FAM117B: variants seen among roughly 807,000 people sequenced by gnomAD.
FAM117B encodes protein FAM117B.
A neutral mutation model predicts 52.8 loss-of-function variants in FAM117B; 22 were observed. That is an observed-to-expected ratio of 0.42 (90% CI 0.30 to 0.59). The LOEUF (loss-of-function observed/expected upper bound fraction) is 0.59. Among genes scored for constraint, FAM117B ranks in the 20% least tolerant of loss-of-function variants. FAM117B has a pLI of 0.22. For missense variants in FAM117B, 678 were observed against 802.6 expected (o/e 0.84, Z 1.88); for synonymous variants, 309 against 324.1 (o/e 0.95, Z 0.50).
intron 3 of FAM117B, 101 bp downstream of exon 3, chr2:202,725,110 ATTTCT>A (rs1691220133): frequency 2.4e-6 from 2 of 838,570 alleles, no homozygotes; most frequent in East Asian, 5.5e-5. Flanking sequence ...TTTTCCATTG[ATTTCT>A]TTTTTCTTTT....
intron 1 of FAM117B, among the ~76,000 whole-genome samples, chr2:202,687,711 T>A (rs1387784473): frequency 6.6e-6 from 1 of 152,202 alleles, no homozygotes; most frequent in African/African-American, 2.4e-5. Flanking sequence ...GTACCCAGCC[T>A]GGTACATTGT....
At chr2:202,728,608 G>A (rs1397026424) in intron 4 of FAM117B, among the ~76,000 whole-genome samples, 1 of 151,940 alleles carries the variant, frequency 6.6e-6, no homozygotes, top group Non-Finnish European at 1.5e-5. Flanking sequence ...AAAAAATAAG[G>A]CCACTTTTTA....
At chr2:202,663,903 C>A (rs940594697) in intron 1 of FAM117B, among the ~76,000 whole-genome samples, 2 of 152,018 alleles carry the variant, frequency 1.3e-5, no homozygotes, top group Admixed American at 6.6e-5. Context: ...TTTTTATATA[C>A]CAGATTTTGT....
At chr2:202,665,331 C>A (rs1024601250) in intron 1 of FAM117B, among the ~76,000 whole-genome samples, 15 of 151,936 alleles carry the variant, frequency 9.9e-5, no homozygotes, top group Middle Eastern at 3.4e-3. Context: ...AGTTGGCCAA[C>A]CCTCTCAATT....
Position 202,765,942 on chromosome 2 carries a change from G to C in FAM117B, c.*178G>C, listed in dbSNP as rs1258600262. The stretch of plus-strand genomic sequence containing the variant: ...TGACGGCTCTGCCCCACTTGTGAAC[G>C]CCAACCCTCAGTGCTTAGCCTGCTT... On this transcript the variant is annotated 3_prime_UTR_variant, in exon 8 of 8. Coordinates refer to ENST00000392238, the MANE Select transcript of FAM117B (RefSeq NM_173511.4). The C allele has an allele frequency of 1.6e-6, 1 of 633,486 alleles. No homozygotes were observed. Among genetic ancestry groups the C allele is most frequent in the East Asian group, 2.8e-5 (1 of 36,096 alleles). 39.2% of individuals were successfully genotyped at this position (633,486 alleles called of 1,614,324 possible). A position where few individuals can be genotyped will look rare whatever the true frequency, so the allele number is the denominator to read the frequency against.
intron 1 of FAM117B, among the ~76,000 whole-genome samples, chr2:202,673,393 T>G (rs1690326545): frequency 6.7e-6 from 1 of 149,590 alleles, no homozygotes; most frequent in South Asian, 2.1e-4. Flanking sequence ...TGCTCTAGAG[T>G]GATGAATTAA....
intron 4 of FAM117B, among the ~76,000 whole-genome samples, chr2:202,739,276 G>T (rs1275179342): frequency 6.6e-6 from 1 of 152,112 alleles, no homozygotes; most frequent in Non-Finnish European, 1.5e-5. Flanking sequence ...ACATTGTTGA[G>T]GTTGTCCAAA....
chr2:202,645,435 G>C (rs1194017564), intron 1 of FAM117B, among the ~76,000 whole-genome samples: 2 of 150,496 alleles, frequency 1.3e-5, no homozygotes, highest in Non-Finnish European at 3.0e-5. Context: ...GACTACAGGC[G>C]CCCGCCACCT....
intron 1 of FAM117B, among the ~76,000 whole-genome samples, chr2:202,687,871 A>G (rs1224233686): frequency 6.6e-6 from 1 of 152,228 alleles, no homozygotes; most frequent in South Asian, 2.1e-4. Context: ...ATAAATTATT[A>G]ATTAGGTACT....
chr2:202,701,217 A>G (rs1349978364), intron 2 of FAM117B, among the ~76,000 whole-genome samples: 3 of 152,230 alleles, frequency 2.0e-5, no homozygotes, highest in Non-Finnish European at 2.9e-5. Context: ...CTTTTGCTTG[A>G]TTCATGGAAC....
At chr2:202,692,234 A>C (rs1315545701) in intron 1 of FAM117B, among the ~76,000 whole-genome samples, 1 of 152,208 alleles carries the variant, frequency 6.6e-6, no homozygotes, top group African/African-American at 2.4e-5. Context: ...AATATTATGA[A>C]TATATCTTTA....
intron 4 of FAM117B, among the ~76,000 whole-genome samples, chr2:202,733,710 T>C (rs896368843): frequency 2.0e-5 from 3 of 152,192 alleles, no homozygotes; most frequent in Admixed American, 6.5e-5. Flanking sequence ...ATCGCTGTTA[T>C]TCTGTTCGTT....
chr2:202,757,312 A>G lies in FAM117B; in HGVS notation c.1204A>G (p.Arg402Gly), dbSNP rs1185542467. The change falls in exon 6 of 8, where the codon AGG (arginine) becomes GGG (glycine). Residue 402 changes from arginine to glycine, a missense_variant. By Grantham distance (125) the Arg-to-Gly change is moderately radical (BLOSUM62 -2). Around this residue, in one of 3 missense-constraint regions of FAM117B, gnomAD observed 583 missense variants for 644.8 expected, o/e 0.90. Transcript: ENST00000392238. ...CACACAGACGCCTGGTGGGGCAGAC[A>G]GGGGAAGCAACAACAGCAGCCGTTC... ...IDTQTPGGAD[R>G]GSNNSSRSQS... is the part of the protein sequence containing the mutation. 8 of 1,614,020 alleles carry G rather than the reference A, an allele frequency of 5.0e-6. No individual in the cohort carries two copies. The highest frequency in any genetic ancestry group is 6.8e-6 in the Non-Finnish European group (8 of 1,180,030).
In FAM117B at chr2:202,635,428, G is replaced by A. The variant is rs1303071622; in HGVS notation, c.241G>A (p.Gly81Ser). ...CGCCTCAGGCCCCGCAGGCGGCGGCGGCGGCGGTGGCCCGCGCACCGCCTC... is the reference window on the plus strand; with the variant it reads ...CGCCTCAGGCCCCGCAGGCGGCGGCAGCGGCGGTGGCCCGCGCACCGCCTC... ...GGASGPAGGG[G>S]GGGPRTASRS... The change falls in exon 1 of 8, where the codon GGC becomes AGC. Residue 81 changes from glycine to serine, a missense_variant. Around this residue, in one of 3 missense-constraint regions of FAM117B, gnomAD observed 583 missense variants for 644.8 expected, o/e 0.90. Transcript: ENST00000392238. 18 of 1,233,520 alleles carry A rather than the reference G, an allele frequency of 1.5e-5. No homozygotes were observed. The highest frequency in any genetic ancestry group is 1.6e-5 in the Non-Finnish European group (16 of 991,406). The allele number at this position is 1,233,520 out of a possible 1,614,324, so 76.4% of individuals were successfully genotyped here.
chr2:202,745,030 C>T (rs1443008943), intron 4 of FAM117B, among the ~76,000 whole-genome samples: 1 of 132,084 alleles, frequency 7.6e-6, no homozygotes, highest in Non-Finnish European at 1.7e-5. Flanking sequence ...GCCTGTAATC[C>T]TAGCACTTTG....
intron 4 of FAM117B, among the ~76,000 whole-genome samples, chr2:202,738,600 TAAG>T: frequency 6.6e-6 from 1 of 152,256 alleles, no homozygotes; most frequent in Non-Finnish European, 1.5e-5. Flanking sequence ...AGATAAAAAT[TAAG>T]AATCACATAC....
intron 1 of FAM117B, among the ~76,000 whole-genome samples, chr2:202,667,123 T>G (rs1231301981): frequency 6.6e-6 from 1 of 151,164 alleles, no homozygotes; most frequent in Non-Finnish European, 1.5e-5. Context: ...TTTTTTGAGA[T>G]GGAGTCTTGC....
At chr2:202,642,844 G>T (rs1340476014) in intron 1 of FAM117B, among the ~76,000 whole-genome samples, 1 of 152,204 alleles carries the variant, frequency 6.6e-6, no homozygotes, top group African/African-American at 2.4e-5. Context: ...AGAACTCTGG[G>T]AGGAAACAAG....
intron 2 of FAM117B, among the ~76,000 whole-genome samples, chr2:202,707,261 G>T (rs906212645): frequency 4.0e-5 from 6 of 151,390 alleles, no homozygotes; most frequent in Non-Finnish European, 7.4e-5. Flanking sequence ...TGTTGCCCAG[G>T]CTGGTCTTGA....
Sources: allele counts gnomAD v4.1 joint callset (sites outside exome capture counted in the v4.1 genomes callset), GRCh38; gene constraint gnomAD v4.1.1; regional missense constraint gnomAD v4.1.1; transcripts MANE v1.5; gene names NCBI Gene and HGNC (gene_info 2026-07-23, HGNC 2026-07-21).